The following STX18 variants were observed in gnomAD, a reference collection of about 807,000 sequenced individuals.
STX18 encodes syntaxin-18.
Under a neutral mutation model 50.1 loss-of-function variants are expected in STX18, and 40 were observed. The ratio of observed to expected loss-of-function variants is 0.80; its 90% CI spans 0.62 to 1.04. The LOEUF is 1.04. Among genes scored for constraint, STX18 ranks in the 50% least tolerant of loss-of-function variants. The probability of loss-of-function intolerance (pLI) is 0.00; values close to 1 mark genes in which losing one functional copy is unlikely to be tolerated. For synonymous variants in STX18, 158 were observed against 151.8 expected, an observed-to-expected ratio of 1.04 and a Z score of -0.30; for missense variants, 410 against 415.8, an observed-to-expected ratio of 0.99 and a Z score of 0.12.
chr4:4,421,037 G>T, intron 9 of STX18, 93 bp from the exon 10 acceptor site: 1 of 1,260,624 alleles, frequency 7.9e-7, no homozygotes, highest in Non-Finnish European at 1.1e-6. Context: ...TGAGTGTCAT[G>T]TCAGCGCTCA....
At chr4:4,511,937 C>T (rs1730026774) in intron 1 of STX18, among the ~76,000 whole-genome samples, 1 of 151,594 alleles carries the variant, frequency 6.6e-6, no homozygotes, top group Admixed American at 6.6e-5. Context: ...TGTCTGGGGG[C>T]GGAGGTGGGG....
chr4:4,482,350 C>G (rs1327642609), intron 1 of STX18, among the ~76,000 whole-genome samples: 1 of 152,204 alleles, frequency 6.6e-6, no homozygotes, highest in Non-Finnish European at 1.5e-5. Flanking sequence ...GTGTGTCCCA[C>G]TGACGCCTCA....
At chr4:4,540,769 G>A (rs1228043396) in intron 1 of STX18, among the ~76,000 whole-genome samples, 1 of 152,184 alleles carries the variant, frequency 6.6e-6, no homozygotes, top group Non-Finnish European at 1.5e-5. Flanking sequence ...TAATGTTTAA[G>A]TATCCTCTGC....
rs900786812 is a variant in STX18, at chr4:4,419,870, G to T, written c.*164C>A. 2 of 631,870 alleles carry T rather than the reference G, an allele frequency of 3.2e-6. No individual in the cohort carries two copies. Among genetic ancestry groups the T allele is most frequent in the African/African-American group, 3.7e-5 (2 of 54,562 alleles). 39.1% of individuals were successfully genotyped at this position (631,870 alleles called of 1,614,324 possible). A position where few individuals can be genotyped will look rare whatever the true frequency, so the allele number is the denominator to read the frequency against. On this transcript the variant is annotated 3_prime_UTR_variant, in exon 11 of 11. Coordinates refer to ENST00000306200, the MANE Select transcript of STX18 (RefSeq NM_016930.4). ...AAATGGCTGAACACCATCGGCCTGG[G>T]GTATCCCTTTTTGGGGAATACGTCT...
At position 4,420,970 on chromosome 4, in the gene STX18, T is replaced by C. The variant is rs1332732180; in HGVS notation, c.832-26A>G. 1 of 1,609,768 alleles carries C rather than the reference T, an allele frequency of 6.2e-7. No individual in the cohort carries two copies. Reference sequence around the variant, plus strand: ...CTGTGGAAGAAAAGATAAATACAAGTTGAGTATCCTTTATCCAAAAACCTG... The same window carrying C: ...CTGTGGAAGAAAAGATAAATACAAGCTGAGTATCCTTTATCCAAAAACCTG... On this transcript the variant is annotated intron_variant, in intron 9 of 10. Coordinates refer to ENST00000306200, the MANE Select transcript of STX18 (RefSeq NM_016930.4). This position sits in a 1 kb window ranked among gnomAD's most constrained non-coding sequence, Gnocchi z 4.3.
At chr4:4,439,019 CATAT>C (rs910967728) in intron 5 of STX18, among the ~76,000 whole-genome samples, 36 of 146,280 alleles carry the variant, frequency 2.5e-4, no homozygotes, top group African/African-American at 8.2e-4. Flanking sequence ...ATATATACCA[CATAT>C]ATATACCCAT....
chr4:4,482,596 C>G (rs956819750), intron 1 of STX18, among the ~76,000 whole-genome samples: 1 of 152,252 alleles, frequency 6.6e-6, no homozygotes, highest in African/African-American at 2.4e-5. Flanking sequence ...GCTCCATCTA[C>G]CAGCTTCTGT....
chr4:4,484,086 T>A (rs891435433), intron 1 of STX18, among the ~76,000 whole-genome samples: 6 of 152,066 alleles, frequency 3.9e-5, no homozygotes, highest in Admixed American at 1.3e-4. Flanking sequence ...ATGGTCTTGA[T>A]CTCCTGACCT....
rs137892027 is a variant in STX18, at chr4:4,494,144, T to C, written c.169-22438A>G. 1.3e-3 allele frequency among the ~76,000 whole-genome samples: 197 copies of C among 152,332 alleles called. 1 individual carries two copies. The highest frequency in any genetic ancestry group is 4.2e-3 in the African/African-American group (174 of 41,580). On this transcript the variant is annotated intron_variant, in intron 1 of 10. Coordinates refer to ENST00000306200, the MANE Select transcript of STX18 (RefSeq NM_016930.4). ...CATATACATGAGCACACTGAAGTGA[T>C]AGAGAAGACAAATGCTACGAAGTAA...
intron 1 of STX18, among the ~76,000 whole-genome samples, chr4:4,514,551 T>C (rs574860325): frequency 1.3e-5 from 2 of 152,220 alleles, no homozygotes; most frequent in African/African-American, 2.4e-5. Flanking sequence ...TCTGTCCTCA[T>C]TTGGTCAACA....
At chr4:4,505,265 T>A (rs1011873653) in intron 1 of STX18, among the ~76,000 whole-genome samples, 1 of 152,200 alleles carries the variant, frequency 6.6e-6, no homozygotes, top group Non-Finnish European at 1.5e-5. Context: ...CCAAACATCA[T>A]AGCTTAGCCT....
At chr4:4,505,703 C>T (rs969535340) in intron 1 of STX18, among the ~76,000 whole-genome samples, 2 of 152,020 alleles carry the variant, frequency 1.3e-5, no homozygotes, top group East Asian at 1.9e-4. Context: ...GCATGACAAT[C>T]ACTTGAACCT....
chr4:4,425,514 C>A lies in STX18; in HGVS notation c.703-292G>T, dbSNP rs1725201608. 3 of 531,918 alleles carry A rather than the reference C, an allele frequency of 5.6e-6. No homozygotes were observed. The Admixed American group carries it at 9.5e-5, about 17-fold the overall frequency. The allele number at this position is 531,918 out of a possible 1,614,324, so 32.9% of individuals were successfully genotyped here. A position where few individuals can be genotyped will look rare whatever the true frequency, so the allele number is the denominator to read the frequency against. On this transcript the variant is annotated intron_variant, in intron 7 of 10. Coordinates refer to ENST00000306200, the MANE Select transcript of STX18 (RefSeq NM_016930.4). ...GGCTGTAGCTGTATCTACCTACCCG[C>A]TCTCCCCTGGGATCCCACGGCCTGC... is the stretch of plus-strand genomic sequence containing the variant.
intron 5 of STX18, among the ~76,000 whole-genome samples, chr4:4,456,487 G>A (rs984375874): frequency 6.6e-6 from 1 of 152,218 alleles, no homozygotes; most frequent in Middle Eastern, 3.2e-3. Context: ...GAGCCCAGAG[G>A]GGAAACCAGG....
intron 1 of STX18, among the ~76,000 whole-genome samples, chr4:4,487,799 CTTTTT>C (rs1010712508): frequency 1.3e-5 from 2 of 152,190 alleles, no homozygotes; most frequent in Non-Finnish European, 2.9e-5. Context: ...TACGCTCACT[CTTTTT>C]GTGTTGAAGA....
chr4:4,456,796 G>C (rs988231212), intron 5 of STX18, among the ~76,000 whole-genome samples: 2 of 152,184 alleles, frequency 1.3e-5, no homozygotes, highest in African/African-American at 2.4e-5. Flanking sequence ...AAGAGATTGA[G>C]GTAAAATGGC....
At chr4:4,486,744 G>A (rs1051038149) in intron 1 of STX18, among the ~76,000 whole-genome samples, 3 of 152,188 alleles carry the variant, frequency 2.0e-5, no homozygotes, top group Non-Finnish European at 2.9e-5. Context: ...CAAGAGGGGC[G>A]AGAGGAAAAA....
At chr4:4,425,845 G>A (rs577291027) in intron 7 of STX18, 1 of 152,582 alleles carries the variant, frequency 6.6e-6, no homozygotes, top group African/African-American at 2.4e-5. Flanking sequence ...TTGGAGCTGA[G>A]TGAGCTTGGC....
At chr4:4,496,477 G>T (rs925431201) in intron 1 of STX18, among the ~76,000 whole-genome samples, 1 of 152,048 alleles carries the variant, frequency 6.6e-6, no homozygotes, top group African/African-American at 2.4e-5. Flanking sequence ...CACCCCATCA[G>T]CCTCGCTCTT....
Sources: gnomAD v4.1 joint callset for allele counts (sites outside exome capture counted in the v4.1 genomes callset) on GRCh38, gnomAD v4.1.1 for gene constraint, Gnocchi (gnomAD v3.1) non-coding constraint, MANE v1.5 for transcripts, NCBI Gene and HGNC (gene_info 2026-07-23, HGNC 2026-07-21) for gene names.